Variants in ACOXL observed in about 807,000 individuals in gnomAD.
The protein encoded by ACOXL is acyl-coenzyme A oxidase-like protein.
Under a neutral mutation model 71.9 loss-of-function variants are expected in ACOXL, and 70 were observed. The ratio of observed to expected loss-of-function variants is 0.97; its 90% CI spans 0.80 to 1.19. The LOEUF (loss-of-function observed/expected upper bound fraction) is 1.19, where lower values mean the gene tolerates loss of function less well. Ranked by LOEUF, ACOXL falls within the 50% of genes most tolerant of loss-of-function variation. The pLI is 0.00. For missense variants in ACOXL, 703 were observed against 736.3 expected (o/e 0.95, Z 0.52); for synonymous variants, 253 against 281.6 (o/e 0.90, Z 1.02).
chr2:110,746,982 T>C (rs1213143210), intron 1 of ACOXL, among the ~76,000 whole-genome samples: 1 of 152,104 alleles, frequency 6.6e-6, no homozygotes. Context: ...AGGATTGCAA[T>C]GTACTGTGGG....
chr2:110,922,127 GGGTT>G, intron 11 of ACOXL, among the ~76,000 whole-genome samples: 1 of 152,190 alleles, frequency 6.6e-6, no homozygotes, highest in African/African-American at 2.4e-5. Context: ...TGCAAGAAGG[GGGTT>G]GGCATTTCCA....
At chr2:111,007,894 A>AG (rs2063950944) in intron 14 of ACOXL, among the ~76,000 whole-genome samples, 1 of 152,202 alleles carries the variant, frequency 6.6e-6, no homozygotes. Flanking sequence ...GCTTTTTTCT[A>AG]GCCTGCCCTC....
At chr2:110,744,349 G>A (rs2104733300) in intron 1 of ACOXL, among the ~76,000 whole-genome samples, 1 of 152,270 alleles carries the variant, frequency 6.6e-6, no homozygotes, top group Admixed American at 6.5e-5. Context: ...TTTAGAAAGG[G>A]AATTATTTTG....
chr2:111,034,370 A>G (rs2065414261), intron 15 of ACOXL, among the ~76,000 whole-genome samples: 1 of 152,250 alleles, frequency 6.6e-6, no homozygotes, highest in Non-Finnish European at 1.5e-5. Context: ...TAAAGGGAAG[A>G]AAAAGAGGAA....
At chr2:110,831,970 T>G (rs924410493) in intron 9 of ACOXL, among the ~76,000 whole-genome samples, 1 of 151,964 alleles carries the variant, frequency 6.6e-6, no homozygotes, top group Non-Finnish European at 1.5e-5. Flanking sequence ...ACCATAAAAC[T>G]TTTAGAAAAA....
intron 10 of ACOXL, among the ~76,000 whole-genome samples, chr2:110,879,212 A>G (rs965673360): frequency 7.9e-5 from 12 of 152,310 alleles, no homozygotes; most frequent in Middle Eastern, 3.4e-3. Flanking sequence ...TCCAAAGAAA[A>G]TGAATTTAAG....
chr2:110,733,248 A>G (rs1039662643), intron 1 of ACOXL: 1 of 152,554 alleles, frequency 6.6e-6, no homozygotes, highest in African/African-American at 2.4e-5. Context: ...TCGGGGTGGG[A>G]CAGGCTTACA....
chr2:110,829,370 G>T (rs1689551724), intron 9 of ACOXL, among the ~76,000 whole-genome samples: 2 of 152,282 alleles, frequency 1.3e-5, no homozygotes, highest in African/African-American at 4.8e-5. Context: ...TAGCCGTGGG[G>T]CATGCTGATC....
At chr2:111,022,734 G>A (rs2064827596) in intron 14 of ACOXL, among the ~76,000 whole-genome samples, 1 of 152,222 alleles carries the variant, frequency 6.6e-6, no homozygotes, top group Admixed American at 6.5e-5. Context: ...CAGGAGGCAG[G>A]GAGGGCTCCT....
intron 10 of ACOXL, among the ~76,000 whole-genome samples, chr2:110,864,560 C>T (rs893784418): frequency 6.6e-6 from 1 of 152,190 alleles, no homozygotes; most frequent in Non-Finnish European, 1.5e-5. Flanking sequence ...GGCGTATAAG[C>T]TTTCTTGTAT....
intron 16 of ACOXL, among the ~76,000 whole-genome samples, chr2:111,090,470 G>A (rs1367603821): frequency 6.6e-6 from 1 of 152,138 alleles, no homozygotes; most frequent in Admixed American, 6.5e-5. Context: ...CTATTTACCA[G>A]GACAAGCAAA....
At chr2:110,964,677 TTTTG>T (rs2061849784) in intron 12 of ACOXL, among the ~76,000 whole-genome samples, 1 of 152,182 alleles carries the variant, frequency 6.6e-6, no homozygotes, top group Non-Finnish European at 1.5e-5. Context: ...GCAACATAAT[TTTTG>T]TTTGTTTATT....
At chr2:110,756,497 G>A (rs1234833464) in intron 1 of ACOXL, among the ~76,000 whole-genome samples, 1 of 152,130 alleles carries the variant, frequency 6.6e-6, no homozygotes, top group East Asian at 1.9e-4. Flanking sequence ...TATTATCTGT[G>A]CATTAGTGGC....
chr2:110,794,894 C>T (rs775210166), intron 5 of ACOXL, among the ~76,000 whole-genome samples: 11 of 152,034 alleles, frequency 7.2e-5, no homozygotes, highest in South Asian at 2.1e-4. Flanking sequence ...ACCCTCGGGA[C>T]GCTGCTTTGT....
chr2:110,880,153 C>CACAAAAAA (rs1696452339), intron 10 of ACOXL, among the ~76,000 whole-genome samples: 1 of 84,738 alleles, frequency 1.2e-5, no homozygotes. Context: ...CTGTCACAAA[C>CACAAAAAA]AAAAAAAAAA....
chr2:110,855,801 G>T (rs1693161326), intron 10 of ACOXL, among the ~76,000 whole-genome samples: 1 of 152,214 alleles, frequency 6.6e-6, no homozygotes. Context: ...TTCGCAGTGA[G>T]TGTTACAGCT....
Position 110,747,756 on chromosome 2 carries a change from T to A in ACOXL, c.-23+14982T>A, listed in dbSNP as rs1194981069. 2.0e-5 allele frequency among the ~76,000 whole-genome samples: 3 copies of A among 152,260 alleles called. No individual in the cohort carries two copies. In the East Asian group the frequency reaches 5.8e-4, roughly 29 times the overall value. ...ACCTAGTGAAGAAATGTTTTTGTGT[T>A]TTTTTTATGGCTTGTGTTGTTGTCT... is the stretch of plus-strand genomic sequence containing the variant. On this transcript the variant is annotated intron_variant, in intron 1 of 17. Coordinates refer to ENST00000439055, the MANE Select transcript of ACOXL (RefSeq NM_001142807.4).
intron 16 of ACOXL, among the ~76,000 whole-genome samples, chr2:111,055,149 C>T (rs1419569600): frequency 7.2e-5 from 11 of 152,128 alleles, no homozygotes; most frequent in African/African-American, 2.7e-4. Context: ...GGGGACTGGT[C>T]CTGCAGGACC....
chr2:110,930,429 C>T (rs1208392226), intron 11 of ACOXL, among the ~76,000 whole-genome samples: 1 of 152,190 alleles, frequency 6.6e-6, no homozygotes, highest in Admixed American at 6.5e-5. Context: ...ATTTTACAGG[C>T]TCATAGGTGG....
Sources: allele counts gnomAD v4.1 joint callset (sites outside exome capture counted in the v4.1 genomes callset), GRCh38; gene constraint gnomAD v4.1.1; transcripts MANE v1.5; gene names NCBI Gene and HGNC (gene_info 2026-07-23, HGNC 2026-07-21).